The following SLC44A5 variants were observed in gnomAD, a reference collection of about 807,000 sequenced individuals.
SLC44A5 encodes the protein choline transporter-like protein 5.
In SLC44A5, 57 loss-of-function variants were observed where a neutral mutation model predicts 101.8. That is an observed-to-expected ratio of 0.56 (90% CI 0.45 to 0.70). The LOEUF (loss-of-function observed/expected upper bound fraction) is 0.70. Ranked by LOEUF, SLC44A5 falls within the 30% of genes least tolerant of loss-of-function variation. The probability of loss-of-function intolerance (pLI) is 0.00; values close to 1 mark genes in which losing one functional copy is unlikely to be tolerated. For missense variants in SLC44A5, 737 were observed against 853.1 expected, an observed-to-expected ratio of 0.86 and a Z score of 1.70; for synonymous variants, 281 against 290.9, an observed-to-expected ratio of 0.97 and a Z score of 0.35.
intron 1 of SLC44A5, among the ~76,000 whole-genome samples, chr1:75,600,062 T>TCGAA (rs1674883643): frequency 6.6e-6 from 1 of 152,090 alleles, no homozygotes; most frequent in Non-Finnish European, 1.5e-5. Context: ...GGAGACCCCT[T>TCGAA]AGTGCAGAGG....
chr1:75,412,185 G>A lies in SLC44A5; in HGVS notation c.14-15564C>T, dbSNP rs1033011529. Among the ~76,000 whole-genome samples the A allele has an allele frequency of 2.0e-5, 3 of 152,204 alleles. No homozygotes were observed. The East Asian group carries it at 5.8e-4, about 29-fold the overall frequency. On this transcript the variant is annotated intron_variant, in intron 2 of 23. Transcript: ENST00000370859. ...TTGTTATTTCTAATCATCTTTAAAT[G>A]CAAGGACTATATCTTTTTTAATCTT...
intron 2 of SLC44A5, among the ~76,000 whole-genome samples, chr1:75,473,967 A>G (rs1667249000): frequency 6.6e-6 from 1 of 152,148 alleles, no homozygotes; most frequent in Admixed American, 6.6e-5. Context: ...GTCCTGATTC[A>G]ATACCTGCAC....
At chr1:75,650,517 G>A in the SLC44A5 span, among the ~76,000 whole-genome samples, 4 of 152,168 alleles carry the variant, frequency 2.6e-5, no homozygotes, top group African/African-American at 9.7e-5. Context: ...TGTTAGAAAT[G>A]GTGTAGACTT....
chr1:75,642,077 G>C, the SLC44A5 span: 2 of 1,259,906 alleles, frequency 1.6e-6, no homozygotes, highest in Non-Finnish European at 2.2e-6. Flanking sequence ...GAATCTGGGG[G>C]CTTCACTAAT....
At chr1:75,336,013 T>C (rs1657416441) in intron 4 of SLC44A5, among the ~76,000 whole-genome samples, 1 of 152,122 alleles carries the variant, frequency 6.6e-6, no homozygotes, top group East Asian at 1.9e-4. Flanking sequence ...TGGTGTGTAA[T>C]TTCCCTTGGA....
At chr1:75,676,696 A>G in the SLC44A5 span, among the ~76,000 whole-genome samples, 1 of 152,222 alleles carries the variant, frequency 6.6e-6, no homozygotes, top group Admixed American at 6.5e-5. Flanking sequence ...CCTGGAACTT[A>G]AAATTTTATT....
At chr1:75,695,497 C>T in the SLC44A5 span, among the ~76,000 whole-genome samples, 287 of 152,020 alleles carry the variant, frequency 1.9e-3, 2 homozygotes, top group Non-Finnish European at 3.1e-3. Context: ...CTTCTGATAG[C>T]CTAGGAATTT....
At chr1:75,374,575 A>G (rs1258710889) in intron 3 of SLC44A5, among the ~76,000 whole-genome samples, 6 of 152,122 alleles carry the variant, frequency 3.9e-5, no homozygotes, top group African/African-American at 1.4e-4. Context: ...TCCCCTCCCC[A>G]GGGCACCGCT....
At chr1:75,565,716 C>A in intron 1 of SLC44A5, among the ~76,000 whole-genome samples, 1 of 152,168 alleles carries the variant, frequency 6.6e-6, no homozygotes, top group South Asian at 2.1e-4. Flanking sequence ...TACCTCTGAT[C>A]CTCAATTCCC....
the SLC44A5 span, among the ~76,000 whole-genome samples, chr1:75,616,710 G>A: frequency 2.0e-5 from 3 of 152,228 alleles, no homozygotes; most frequent in African/African-American, 4.8e-5. Context: ...GGAAACAGGA[G>A]TCTGATGGAG....
At chr1:75,378,540 G>T (rs1660766047) in intron 3 of SLC44A5, among the ~76,000 whole-genome samples, 1 of 81,534 alleles carries the variant, frequency 1.2e-5, no homozygotes, top group Admixed American at 1.2e-4. Context: ...TTAATAGATT[G>T]TAATGAAAAG....
intron 4 of SLC44A5, among the ~76,000 whole-genome samples, chr1:75,313,174 G>A (rs559344202): frequency 6.6e-6 from 1 of 152,182 alleles, no homozygotes; most frequent in Non-Finnish European, 1.5e-5. Flanking sequence ...CTGTTTTCCC[G>A]GGTACCAGGA....
the SLC44A5 span, among the ~76,000 whole-genome samples, chr1:75,627,041 T>C: frequency 2.6e-5 from 4 of 152,164 alleles, no homozygotes; most frequent in African/African-American, 4.8e-5. Context: ...AATCACATTG[T>C]TTTTTCACTT....
At chr1:75,402,003 T>A (rs1036477232) in intron 2 of SLC44A5, among the ~76,000 whole-genome samples, 27 of 152,110 alleles carry the variant, frequency 1.8e-4, no homozygotes, top group Admixed American at 1.6e-3. Flanking sequence ...GATCCACACA[T>A]GAAGCACCTC....
At chr1:75,690,232 G>A in the SLC44A5 span, among the ~76,000 whole-genome samples, 1 of 152,122 alleles carries the variant, frequency 6.6e-6, no homozygotes, top group African/African-American at 2.4e-5. Flanking sequence ...GAAGGTGAAG[G>A]CGAAACAAGG....
chr1:75,243,152 G>T (rs983899441), intron 7 of SLC44A5, 141 bp from the exon 8 acceptor site: 65 of 1,068,962 alleles, frequency 6.1e-5, no homozygotes, highest in Non-Finnish European at 7.9e-5. Context: ...CAATTTCCTT[G>T]CTCTCTCTCT....
chr1:75,230,949 A>G (rs1418653558), intron 12 of SLC44A5, among the ~76,000 whole-genome samples: 6 of 152,108 alleles, frequency 3.9e-5, no homozygotes, highest in Non-Finnish European at 8.8e-5. Flanking sequence ...CCATATTTGA[A>G]TTCTTGGAGA....
chr1:75,717,923 G>T, the SLC44A5 span, among the ~76,000 whole-genome samples: 3 of 152,188 alleles, frequency 2.0e-5, no homozygotes, highest in African/African-American at 7.2e-5. Flanking sequence ...TAATGTTGAG[G>T]TGGTTAATGA....
chr1:75,333,142 AG>A (rs1038262372), intron 4 of SLC44A5, among the ~76,000 whole-genome samples: 1 of 152,220 alleles, frequency 6.6e-6, no homozygotes, highest in Non-Finnish European at 1.5e-5. Context: ...TTTGTAAAAT[AG>A]TTTGGAATAA....
Sources: allele counts gnomAD v4.1 joint callset (sites outside exome capture counted in the v4.1 genomes callset), GRCh38; gene constraint gnomAD v4.1.1; transcripts MANE v1.5; gene names NCBI Gene and HGNC (gene_info 2026-07-23, HGNC 2026-07-21).